SLC9A9: variants seen among roughly 807,000 people sequenced by gnomAD.
SLC9A9 encodes sodium/hydrogen exchanger 9.
SLC9A9 carries 62 observed loss-of-function variants against 77.8 expected under a neutral mutation model. That is an observed-to-expected ratio of 0.80 (90% CI 0.65 to 0.98). The LOEUF is 0.98. Ranked by LOEUF, SLC9A9 falls within the 50% of genes least tolerant of loss-of-function variation. SLC9A9 has a pLI of 0.00. For synonymous variants in SLC9A9, 320 were observed against 283.5 expected (o/e 1.13, Z -1.29); for missense variants, 775 against 774.9 (o/e 1.00, Z 0.00).
intron 6 of SLC9A9, among the ~76,000 whole-genome samples, chr3:143,591,447 C>G (rs1461740921): frequency 1.3e-5 from 2 of 152,226 alleles, no homozygotes; most frequent in Non-Finnish European, 2.9e-5. Context: ...ATATTCTTAA[C>G]TTATATGTTT....
intron 2 of SLC9A9, among the ~76,000 whole-genome samples, chr3:143,823,882 A>T (rs1180420054): frequency 2.6e-5 from 4 of 152,088 alleles, no homozygotes; most frequent in Non-Finnish European, 5.9e-5. Context: ...ACTTCTGTTT[A>T]TATTTCATTT....
At chr3:143,326,755 CT>C (rs1326015128) in intron 14 of SLC9A9, among the ~76,000 whole-genome samples, 1 of 152,180 alleles carries the variant, frequency 6.6e-6, no homozygotes, top group African/African-American at 2.4e-5. Flanking sequence ...TTTTCTCCCC[CT>C]AGTACATTGT....
intron 6 of SLC9A9, among the ~76,000 whole-genome samples, chr3:143,612,098 T>C (rs2038032063): frequency 6.6e-6 from 1 of 152,172 alleles, no homozygotes; most frequent in Admixed American, 6.5e-5. Context: ...TAGTGAGTAC[T>C]AGACTTAGCC....
intron 4 of SLC9A9, among the ~76,000 whole-genome samples, chr3:143,703,854 A>G (rs1331760192): frequency 6.6e-6 from 1 of 152,190 alleles, no homozygotes; most frequent in Non-Finnish European, 1.5e-5. Context: ...TCAAATAAAT[A>G]AAATTAGAGA....
chr3:143,413,156 G>C (rs1014972979), intron 12 of SLC9A9, among the ~76,000 whole-genome samples: 22 of 152,168 alleles, frequency 1.4e-4, no homozygotes, highest in African/African-American at 5.3e-4. Context: ...TATAGCTGCT[G>C]AATTTCATGG....
chr3:143,373,160 T>C (rs547190108), intron 13 of SLC9A9, among the ~76,000 whole-genome samples: 1 of 152,342 alleles, frequency 6.6e-6, no homozygotes, highest in South Asian at 2.1e-4. Context: ...TGTATATTTA[T>C]TGCAATACAA....
chr3:143,831,488 G>A (rs145607694), intron 2 of SLC9A9, among the ~76,000 whole-genome samples: 87 of 152,222 alleles, frequency 5.7e-4, no homozygotes, highest in African/African-American at 2.0e-3. Context: ...TGATAGTCAC[G>A]ATTTCTTGAC....
intron 12 of SLC9A9, among the ~76,000 whole-genome samples, chr3:143,450,222 A>G (rs1030735338): frequency 1.4e-5 from 2 of 140,200 alleles, no homozygotes; most frequent in Non-Finnish European, 3.0e-5. Context: ...TAAGATAAAT[A>G]TAATATATAA....
chr3:143,400,558 G>T (rs1028719544), intron 12 of SLC9A9, among the ~76,000 whole-genome samples: 7 of 151,920 alleles, frequency 4.6e-5, no homozygotes. Context: ...GTGGGTGAGG[G>T]ATAAAGACTC....
intron 2 of SLC9A9, among the ~76,000 whole-genome samples, chr3:143,823,331 T>A (rs1239341335): frequency 6.6e-6 from 1 of 152,152 alleles, no homozygotes; most frequent in Non-Finnish European, 1.5e-5. Context: ...CAGGTGGAGC[T>A]ATGAGACTGC....
intron 1 of SLC9A9, among the ~76,000 whole-genome samples, chr3:143,843,779 A>G (rs943053832): frequency 6.6e-6 from 1 of 152,212 alleles, no homozygotes; most frequent in East Asian, 1.9e-4. Flanking sequence ...TTTTATGAGC[A>G]CTGAACAGGG....
At chr3:143,639,606 T>G (rs1245837631) in intron 6 of SLC9A9, among the ~76,000 whole-genome samples, 1 of 152,214 alleles carries the variant, frequency 6.6e-6, no homozygotes, top group Non-Finnish European at 1.5e-5. Context: ...GGGCCAAATT[T>G]TATCATCTTA....
intron 11 of SLC9A9, among the ~76,000 whole-genome samples, chr3:143,472,431 C>A (rs1181698896): frequency 1.3e-5 from 2 of 152,108 alleles, no homozygotes; most frequent in Admixed American, 1.3e-4. Flanking sequence ...TTTCTATGCC[C>A]AAATCTTTTT....
chr3:143,481,338 C>T (rs1371029224), intron 11 of SLC9A9, among the ~76,000 whole-genome samples: 1 of 152,062 alleles, frequency 6.6e-6, no homozygotes, highest in African/African-American at 2.4e-5. Context: ...AACTGAGATC[C>T]AAAGAATGAA....
chr3:143,655,595 G>C (rs1351881580), intron 5 of SLC9A9: 7 of 985,210 alleles, frequency 7.1e-6, no homozygotes, highest in Non-Finnish European at 7.2e-6. Context: ...GTTGTAGCTA[G>C]AGAAAAATTC....
At chr3:143,545,462 C>G (rs544798844) in intron 9 of SLC9A9, among the ~76,000 whole-genome samples, 1 of 152,334 alleles carries the variant, frequency 6.6e-6, no homozygotes, top group African/African-American at 2.4e-5. Context: ...GGACAAGAAC[C>G]ACGTGGTATT....
At chr3:143,495,505 T>G in intron 9 of SLC9A9, 57 bp from the exon 10 acceptor site, 2 of 1,250,228 alleles carry the variant, frequency 1.6e-6, no homozygotes, top group Non-Finnish European at 2.4e-6. Context: ...TGAGTGCACT[T>G]ACTTTCTGGT....
At chr3:143,774,876 A>G (rs926804676) in intron 4 of SLC9A9, among the ~76,000 whole-genome samples, 2 of 152,114 alleles carry the variant, frequency 1.3e-5, no homozygotes, top group Non-Finnish European at 1.5e-5. Context: ...CTTCGCCTCA[A>G]CTGCTCGGTT....
chr3:143,298,775 G>T (rs541292560), intron 14 of SLC9A9, among the ~76,000 whole-genome samples: 12 of 152,280 alleles, frequency 7.9e-5, no homozygotes, highest in Non-Finnish European at 1.6e-4. Flanking sequence ...CTTTGAGTAG[G>T]CAGATCTCTT....
Sources: allele counts gnomAD v4.1 joint callset (sites outside exome capture counted in the v4.1 genomes callset), GRCh38; gene constraint gnomAD v4.1.1; transcripts MANE v1.5; gene names NCBI Gene and HGNC (gene_info 2026-07-23, HGNC 2026-07-21).